Variants in FAT2 observed in about 807,000 individuals in gnomAD.
FAT2 encodes the protein FAT atypical cadherin 2.
A neutral mutation model predicts 295.3 loss-of-function variants in FAT2; 150 were observed. The observed-to-expected ratio is 0.51, with a 90% CI of 0.44 to 0.58. The LOEUF is 0.58. Ranked by LOEUF, FAT2 falls within the 20% of genes least tolerant of loss-of-function variation. FAT2 has a pLI of 0.00. For synonymous variants in FAT2, 2,026 were observed against 2,150.3 expected (o/e 0.94, Z 1.60); for missense variants, 4,868 against 5,442.7 (o/e 0.89, Z 3.32).
Position 151,510,184 on chromosome 5 carries a change from A to C in FAT2, c.11906-10T>G. 1 of 1,613,860 alleles carries C rather than the reference A, an allele frequency of 6.2e-7. No individual in the cohort carries two copies. Among genetic ancestry groups the C allele is most frequent in the East Asian group, 2.2e-5 (1 of 44,872 alleles). ...CATTTGCAGACATAGCCTAGGAGAA[A>C]AAGAAGGGAGGTGAGAGACCGCACT... is the stretch of plus-strand genomic sequence containing the variant. On this transcript the variant is annotated splice_polypyrimidine_tract_variant and intron_variant, in intron 21 of 23. Transcript: ENST00000261800.
Position 151,505,985 on chromosome 5 carries a change from G to A in FAT2, c.12630C>T (p.His4210=). The change falls in exon 24 of 24, where the codon CAC becomes CAT. Residue 4210 remains histidine (H), a synonymous_variant. Transcript: ENST00000261800. ...QGPLPPSAHR[H]STPVVMPEPN... is the part of the protein sequence containing the mutation. ...GCTCTGGCATCACGACTGGGGTTGA[G>A]TGGCGGTGAGCCGAGGGCGGCAGAG... 1.3e-6 allele frequency: 2 copies of A among 1,573,916 alleles called. No individual in the cohort carries two copies.
rs113423286 is a variant in FAT2 at position 151,515,333 on chromosome 5, C to T, written c.11463+2287G>A. 2.0e-5 allele frequency among the ~76,000 whole-genome samples: 3 copies of T among 152,346 alleles called. 1 individual carries two copies. The highest frequency in any genetic ancestry group is 7.2e-5 in the African/African-American group (3 of 41,578). On this transcript the variant is annotated intron_variant, in intron 20 of 23. Transcript: ENST00000261800. ...TGTTGGAGGGTCTCAAGGAGTAATCCTTGGCCTACTCTCTCTTCAATCTAC... is the reference window on the plus strand; with the variant it reads ...TGTTGGAGGGTCTCAAGGAGTAATCTTTGGCCTACTCTCTCTTCAATCTAC...
Position 151,545,451 on chromosome 5 carries a change from G to A in FAT2, c.5676C>T (p.Leu1892=), listed in dbSNP as rs1756528874. 1.2e-6 allele frequency: 2 copies of A among 1,614,066 alleles called. No individual in the cohort carries two copies. Among genetic ancestry groups the A allele is most frequent in the Admixed American group, 1.7e-5 (1 of 60,004 alleles). The change falls in exon 10 of 24, where the codon CTC becomes CTT. Residue 1892 remains leucine, a synonymous_variant. Coordinates refer to ENST00000261800, the MANE Select transcript of FAT2 (RefSeq NM_001447.3). ...AGTCTTCATCGCTGGCCCGCACCAT[G>A]AGAAGCTCCATGCCTGGATGGATAG... ...VGPIHPGMEL[L]MVRASDEDSE...
chr5:151,551,430 C>T (rs1159461347), intron 7 of FAT2, 37 bp downstream of exon 7: 1 of 1,604,838 alleles, frequency 6.2e-7, no homozygotes, highest in African/African-American at 1.3e-5. Context: ...CCTTCCATCT[C>T]CTCTCAATAC....
chr5:151,553,471 C>A lies in FAT2; in HGVS notation c.3946-84G>T, dbSNP rs751574013. 3 of 1,211,336 alleles carry A rather than the reference C, an allele frequency of 2.5e-6. No homozygotes were observed. The East Asian group carries it at 7.6e-5, about 31-fold the overall frequency. 75.0% of individuals were successfully genotyped at this position (1,211,336 alleles called of 1,614,324 possible). A position where few individuals can be genotyped will look rare whatever the true frequency, so the allele number is the denominator to read the frequency against. On this transcript the variant is annotated intron_variant, in intron 5 of 23. Coordinates refer to ENST00000261800, the MANE Select transcript of FAT2 (RefSeq NM_001447.3). ...CAGCCAGGACAGGAACCAGAGCGTC[C>A]TGTGATTCTGACCAAGCAGGCCTCT... is the stretch of plus-strand genomic sequence containing the variant.
At chr5:151,553,134 A>T (rs2127626418) in intron 6 of FAT2, 43 bp downstream of exon 6, 1 of 1,583,954 alleles carries the variant, frequency 6.3e-7, no homozygotes, top group Non-Finnish European at 8.7e-7. Flanking sequence ...GTGTATAAGG[A>T]TGGGAGGGGT....
intron 1 of FAT2, among the ~76,000 whole-genome samples, chr5:151,575,357 G>A (rs924437752): frequency 1.3e-5 from 2 of 152,176 alleles, no homozygotes; most frequent in African/African-American, 4.8e-5. Flanking sequence ...TGCAGTACTG[G>A]ACAGAATTAA....
chr5:151,542,253 C>G (rs1399367030), intron 10 of FAT2, 32 bp downstream of exon 10: 13 of 1,538,474 alleles, frequency 8.4e-6, no homozygotes, highest in Non-Finnish European at 1.1e-5. Context: ...CGATACATTC[C>G]AGAGCCTGCA....
chr5:151,522,182 C>T, intron 18 of FAT2, 96 bp from the exon 19 acceptor site: 1 of 996,040 alleles, frequency 1.0e-6, no homozygotes, highest in Non-Finnish European at 1.4e-6. Context: ...CGTTTCTCTG[C>T]CCCACGCCCA....
At position 151,545,363 on chromosome 5, in the gene FAT2, T is replaced by G; in HGVS notation, c.5764A>C (p.Thr1922Pro). 6.2e-7 allele frequency: 1 copy of G among 1,614,134 alleles called. No individual in the cohort carries two copies. The highest frequency in any genetic ancestry group is 8.5e-7 in the Non-Finnish European group (1 of 1,180,014). Residue 1922 changes from threonine (T) to proline (P), a missense_variant, in exon 10 of 24, where the codon ACT becomes CCT. By Grantham distance (38) the Thr-to-Pro change is conservative. Coordinates refer to ENST00000261800, the MANE Select transcript of FAT2 (RefSeq NM_001447.3). Reference protein sequence around the residue: ...ADEAVTIHPVTGSISVLNPAF... With the variant: ...ADEAVTIHPVPGSISVLNPAF... ...GGATTCAGCACAGATATGCTACCAG[T>G]GACAGGATGGATGGTAACAGCTTCA...
At position 151,570,613 on chromosome 5, in the gene FAT2, A is replaced by T. The variant is rs369649755; in HGVS notation, c.-20-1662T>A. ...GGGCAAGGGGCAGGAGGAGCGGGGC[A>T]GGGTTTGGCAGGGCCATGTGTAGGT... On this transcript the variant is annotated intron_variant, in intron 1 of 23. Coordinates refer to ENST00000261800, the MANE Select transcript of FAT2 (RefSeq NM_001447.3). 1.1e-4 allele frequency among the ~76,000 whole-genome samples: 16 copies of T among 152,368 alleles called. No homozygotes were observed. In the East Asian group the frequency reaches 2.5e-3, roughly 24 times the overall value.
intron 20 of FAT2, among the ~76,000 whole-genome samples, chr5:151,514,320 C>T (rs1330192506): frequency 2.0e-5 from 3 of 152,146 alleles, no homozygotes; most frequent in East Asian, 1.9e-4. Context: ...TTGATCCCAC[C>T]GTCTTTTCAT....
In FAT2 at chr5:151,545,706, C is replaced by T. The variant is rs141940054; in HGVS notation, c.5421G>A (p.Pro1807=). 1.5e-4 allele frequency: 240 copies of T among 1,614,088 alleles called. No homozygotes were observed. In the African/African-American group the frequency reaches 1.7e-3, roughly 11 times the overall value. ...CAATTTTGAAAAACTTCAAGGCCTC[C>T]GGCTCCAAAATTTTATAGACCAACA... ...NSLLVYKILE[P]EALKFFKIDP... Residue 1807 remains proline, a synonymous_variant, in exon 10 of 24, where the codon CCG becomes CCA. Transcript: ENST00000261800.
chr5:151,586,367 AG>A (rs1171104661), intron 1 of FAT2, among the ~76,000 whole-genome samples: 2 of 152,234 alleles, frequency 1.3e-5, no homozygotes, highest in Non-Finnish European at 2.9e-5. Flanking sequence ...CTGTTGCCTC[AG>A]GTGGTCTTGC....
Position 151,528,876 on chromosome 5 carries a change from A to G in FAT2, c.10026+302T>C, listed in dbSNP as rs572640314. Among the ~76,000 whole-genome samples the G allele has an allele frequency of 3.9e-5, 6 of 152,294 alleles. No homozygotes were observed. In the South Asian group the frequency reaches 1.2e-3, roughly 32 times the overall value. ...CTTCCCAGGCTTGAGAGCCTCTGGC[A>G]GTCCTCTGGGGTCTGTCTCTTTTTC... On this transcript the variant is annotated intron_variant, in intron 15 of 23. Transcript: ENST00000261800.
At position 151,565,802 on chromosome 5, in the gene FAT2, TCTC is replaced by T; in HGVS notation, c.3127_3129del (p.Glu1043del). On this transcript the variant is annotated inframe_deletion, in exon 2 of 24. Coordinates refer to ENST00000261800, the MANE Select transcript of FAT2 (RefSeq NM_001447.3). ...ATCACCTGAGTTCCCGAGGGGCTGT[TCTC>T]CTGCACCTGGCCCTGGTGCACGAAG... 6.2e-7 allele frequency: 1 copy of T among 1,614,078 alleles called. No homozygotes were observed. Among genetic ancestry groups the T allele is most frequent in the Non-Finnish European group, 8.5e-7 (1 of 1,179,978 alleles).
At position 151,531,552 on chromosome 5, in the gene FAT2, G is replaced by A. The variant is rs1474948857; in HGVS notation, c.9811+35C>T. ...CCCAGCGCTCCCAGAAACCCTGTAC[G>A]CGATGCTTTGGGGCTTGGTGGATCA... On this transcript the variant is annotated intron_variant, in intron 14 of 23. Transcript: ENST00000261800. This position sits in a 1 kb window ranked among gnomAD's most constrained non-coding sequence, Gnocchi z 5.7. 2.5e-6 allele frequency: 4 copies of A among 1,610,036 alleles called. No individual in the cohort carries two copies. Among genetic ancestry groups the A allele is most frequent in the South Asian group, 1.1e-5 (1 of 90,666 alleles).
intron 1 of FAT2, among the ~76,000 whole-genome samples, chr5:151,572,351 G>A (rs1439549260): frequency 3.3e-5 from 5 of 152,168 alleles, no homozygotes; most frequent in Non-Finnish European, 7.3e-5. Flanking sequence ...AGCCTTTCAT[G>A]ATCATTCCTT....
chr5:151,549,982 A>G (rs1348584898), intron 8 of FAT2, among the ~76,000 whole-genome samples: 3 of 152,208 alleles, frequency 2.0e-5, no homozygotes, highest in African/African-American at 4.8e-5. Context: ...TTAAGACAGG[A>G]GGCCAGGCTC....
Sources: gnomAD v4.1 joint callset for allele counts (sites outside exome capture counted in the v4.1 genomes callset) on GRCh38, gnomAD v4.1.1 for gene constraint, Gnocchi (gnomAD v3.1) non-coding constraint, MANE v1.5 for transcripts, NCBI Gene and HGNC (gene_info 2026-07-23, HGNC 2026-07-21) for gene names.